The following LYPD6B variants were observed in gnomAD, a reference collection of about 807,000 sequenced individuals.
LYPD6B encodes the protein LY6/PLAUR domain containing 6B.
In LYPD6B, 17 loss-of-function variants were observed where a neutral mutation model predicts 22.8. The ratio of observed to expected loss-of-function variants is 0.75; its 90% confidence interval spans 0.51 to 1.12. The LOEUF (loss-of-function observed/expected upper bound fraction) is 1.12, where lower values mean the gene tolerates loss of function less well. LYPD6B is among the 50% of genes most tolerant of loss of function. The pLI, the probability that LYPD6B is intolerant of heterozygous loss-of-function variation, is 0.00. For missense variants in LYPD6B, 221 were observed against 258.3 expected (o/e 0.86, Z 0.99); for synonymous variants, 106 against 91.6 (o/e 1.16, Z -0.90).
chr2:149,135,442 A>G (rs1688297862), intron 2 of LYPD6B, among the ~76,000 whole-genome samples: 1 of 151,818 alleles, frequency 6.6e-6, no homozygotes, highest in African/African-American at 2.4e-5. Flanking sequence ...ATTTTTGGCC[A>G]GGCACGGTGA....
At chr2:149,164,068 AGTTT>A (rs1165966729) in intron 3 of LYPD6B, among the ~76,000 whole-genome samples, 2 of 152,070 alleles carry the variant, frequency 1.3e-5, no homozygotes, top group African/African-American at 4.8e-5. Context: ...GAGATACGGT[AGTTT>A]GTGACAGAGT....
chr2:149,090,669 G>C (rs1378211492), intron 1 of LYPD6B, among the ~76,000 whole-genome samples: 1 of 152,010 alleles, frequency 6.6e-6, no homozygotes, highest in Non-Finnish European at 1.5e-5. Context: ...AAAAACCTCA[G>C]ACTCCTAGGG....
chr2:149,081,705 C>A (rs1313392545), intron 1 of LYPD6B, among the ~76,000 whole-genome samples: 2 of 152,164 alleles, frequency 1.3e-5, no homozygotes, highest in African/African-American at 4.8e-5. Flanking sequence ...GATCCCTACA[C>A]CCTCCTCACT....
chr2:149,072,632 G>A (rs1395205422), intron 1 of LYPD6B, among the ~76,000 whole-genome samples: 1 of 151,902 alleles, frequency 6.6e-6, no homozygotes, highest in Non-Finnish European at 1.5e-5. Flanking sequence ...TGCCTCCAAG[G>A]TTTAAGCGAT....
At chr2:149,098,541 C>T (rs936775055) in intron 1 of LYPD6B, among the ~76,000 whole-genome samples, 1 of 148,902 alleles carries the variant, frequency 6.7e-6, no homozygotes, top group Non-Finnish European at 1.5e-5. Context: ...GCAGGAGAAT[C>T]GCTTGAACCT....
intron 3 of LYPD6B, among the ~76,000 whole-genome samples, chr2:149,168,497 G>C (rs949454741): frequency 6.6e-6 from 1 of 152,120 alleles, no homozygotes; most frequent in Non-Finnish European, 1.5e-5. Flanking sequence ...CTAGAATGGA[G>C]ATGAAAACCT....
chr2:149,112,557 T>C (rs1307465909), intron 1 of LYPD6B, among the ~76,000 whole-genome samples: 1 of 152,196 alleles, frequency 6.6e-6, no homozygotes, highest in Non-Finnish European at 1.5e-5. Flanking sequence ...GACTAAAATC[T>C]GGCTCGCATA....
chr2:149,119,246 T>C (rs1318388945), intron 1 of LYPD6B: 1 of 152,244 alleles, frequency 6.6e-6, no homozygotes, highest in Non-Finnish European at 1.5e-5. Context: ...TTCAAGTTAA[T>C]ATGTATTTTA....
chr2:149,140,858 A>C (rs1688651051), intron 2 of LYPD6B, among the ~76,000 whole-genome samples: 1 of 152,202 alleles, frequency 6.6e-6, no homozygotes, highest in South Asian at 2.1e-4. Flanking sequence ...CGTTAGGCAT[A>C]AAAGGAGAGA....
At chr2:149,130,265 G>C (rs964280738) in intron 1 of LYPD6B, among the ~76,000 whole-genome samples, 2 of 152,170 alleles carry the variant, frequency 1.3e-5, no homozygotes, top group Admixed American at 1.3e-4. Flanking sequence ...GATGTATGAC[G>C]TTTTTATTAT....
chr2:149,068,713 A>C, intron 1 of LYPD6B: 1 of 549,358 alleles, frequency 1.8e-6, no homozygotes, highest in Admixed American at 1.9e-5. Flanking sequence ...CACACTCTGA[A>C]GCAACATCCT....
At chr2:149,204,978 C>T in intron 3 of LYPD6B, 1 of 327,294 alleles carries the variant, frequency 3.1e-6, no homozygotes, top group Non-Finnish European at 5.6e-6. Flanking sequence ...TGCAGCCAGG[C>T]CAGCTCTGCC....
At chr2:149,089,863 T>G (rs981259006) in intron 1 of LYPD6B, among the ~76,000 whole-genome samples, 1 of 152,196 alleles carries the variant, frequency 6.6e-6, no homozygotes, top group African/African-American at 2.4e-5. Context: ...TCAAAACTGC[T>G]TAATTGTGCA....
chr2:149,155,283 AT>A (rs1474999765), intron 2 of LYPD6B, among the ~76,000 whole-genome samples: 1 of 152,348 alleles, frequency 6.6e-6, no homozygotes, highest in East Asian at 1.9e-4. Flanking sequence ...AACTGAAAGC[AT>A]TCATGGACTG....
At chr2:149,061,568 G>A (rs1684083402) in intron 1 of LYPD6B, among the ~76,000 whole-genome samples, 1 of 152,088 alleles carries the variant, frequency 6.6e-6, no homozygotes, top group South Asian at 2.1e-4. Context: ...AGCCCAGTTA[G>A]TATTTATTGG....
At chr2:149,089,684 C>T (rs16826516) in intron 1 of LYPD6B, among the ~76,000 whole-genome samples, 18,282 of 152,166 alleles carry the variant, frequency 0.12, 1,494 homozygotes, top group East Asian at 0.39. Flanking sequence ...AAATTTCTGA[C>T]AGCTTCTTTT....
chr2:149,079,399 TA>T (rs755612249), intron 1 of LYPD6B, among the ~76,000 whole-genome samples: 7 of 152,230 alleles, frequency 4.6e-5, no homozygotes, highest in Non-Finnish European at 1.0e-4. Context: ...CATAAAATCC[TA>T]ACATAAAATC....
intron 1 of LYPD6B, among the ~76,000 whole-genome samples, chr2:149,079,018 T>A (rs1685001138): frequency 6.6e-6 from 1 of 151,428 alleles, no homozygotes; most frequent in African/African-American, 2.4e-5. Context: ...TTTTTTTTTT[T>A]TAAATGCTTA....
At chr2:149,141,678 CT>C (rs890138379) in intron 2 of LYPD6B, among the ~76,000 whole-genome samples, 28 of 152,292 alleles carry the variant, frequency 1.8e-4, no homozygotes, top group Admixed American at 1.6e-3. Context: ...CTTTTACCCC[CT>C]GTACCTAATT....
Sources: allele counts gnomAD v4.1 joint callset (sites outside exome capture counted in the v4.1 genomes callset), GRCh38; gene constraint gnomAD v4.1.1; transcripts MANE v1.5; gene names NCBI Gene and HGNC (gene_info 2026-07-23, HGNC 2026-07-21).